The following FGD6 variants were observed in gnomAD, a reference collection of about 807,000 sequenced individuals.
FGD6 encodes the protein FYVE, RhoGEF and PH domain containing 6, also known as FYVE, RhoGEF and PH domain-containing protein 6.
In FGD6, 90 loss-of-function variants were observed where a neutral mutation model predicts 149.4. That is an observed-to-expected ratio of 0.60 (90% confidence interval 0.51 to 0.72). The LOEUF is 0.72. Among genes scored for constraint, FGD6 ranks in the 30% least tolerant of loss-of-function variants. FGD6 has a pLI of 0.00. For missense variants in FGD6, 1,437 were observed against 1,684.8 expected (o/e 0.85, Z 2.57); for synonymous variants, 527 against 584.0 (o/e 0.90, Z 1.41).
rs935454833 is a variant in FGD6 at position 95,215,033 on chromosome 12, G to T, written c.16+2192C>A. Among the ~76,000 whole-genome samples, 3 of 151,804 alleles carry T rather than the reference G, an allele frequency of 2.0e-5. No individual in the cohort carries two copies. The South Asian group carries it at 6.2e-4, about 32-fold the overall frequency. On this transcript the variant is annotated intron_variant, in intron 1 of 20. Transcript: ENST00000343958. Reference sequence around the variant, plus strand: ...ACCCCACCACACCTGGCTAATTTTTGTATTTTTAGTAGAGACAGGGTTTTG... The same window carrying T: ...ACCCCACCACACCTGGCTAATTTTTTTATTTTTAGTAGAGACAGGGTTTTG...
Position 95,079,593 on chromosome 12 carries a change from GATTCTAAC to G in FGD6, c.*1919_*1926del, listed in dbSNP as rs370772390. 139 of 152,268 alleles carry G rather than the reference GATTCTAAC, an allele frequency of 9.1e-4. 1 individual carries two copies. Among genetic ancestry groups the G allele is most frequent in the African/African-American group, 3.0e-3 (125 of 41,566 alleles). The allele number at this position is 152,268 out of a possible 1,614,324, so 9.4% of individuals were successfully genotyped here. A position where few individuals can be genotyped will look rare whatever the true frequency, so the allele number is the denominator to read the frequency against. ...AAAGGAATACACTAAAAACTGCAAC[GATTCTAAC>G]ATGGAAGCCTTATTTATGTGATCTT... is the stretch of plus-strand genomic sequence containing the variant. On this transcript the variant is annotated 3_prime_UTR_variant, in exon 21 of 21. Transcript: ENST00000343958.
At chr12:95,094,440 G>A (rs561132992) in intron 15 of FGD6, 152 bp downstream of exon 15, 8 of 561,778 alleles carry the variant, frequency 1.4e-5, no homozygotes, top group Middle Eastern at 4.5e-4. Context: ...AACTTTTAGC[G>A]CTGAAATGAG....
chr12:95,210,843 A>G lies in FGD6; in HGVS notation c.441T>C (p.Ile147=). The G allele has an allele frequency of 6.2e-7, 1 of 1,610,428 alleles. No homozygotes were observed. Among genetic ancestry groups the G allele is most frequent in the Non-Finnish European group, 8.5e-7 (1 of 1,179,220 alleles). The part of the protein sequence containing the change: ...EMNENLENSK[I]DETLTIKTRS... The stretch of plus-strand genomic sequence containing the variant: ...TAGTTTTTATAGTCAAAGTCTCATC[A>G]ATTTTACTGTTTTCTAAATTTTCAT... The change falls in exon 2 of 21, where the codon ATT becomes ATC. Residue 147 remains isoleucine (I), a synonymous_variant. Transcript: ENST00000343958.
chr12:95,118,592 T>A (rs1879093683), intron 8 of FGD6, among the ~76,000 whole-genome samples: 2 of 152,196 alleles, frequency 1.3e-5, no homozygotes, highest in Non-Finnish European at 2.9e-5. Flanking sequence ...GTCAGATTCC[T>A]GGACCGTGCA....
At chr12:95,162,485 C>A (rs1299736034) in intron 3 of FGD6, among the ~76,000 whole-genome samples, 1 of 152,114 alleles carries the variant, frequency 6.6e-6, no homozygotes, top group African/African-American at 2.4e-5. Flanking sequence ...CAAGATTGCG[C>A]CACTGTACTC....
intron 5 of FGD6, among the ~76,000 whole-genome samples, chr12:95,149,925 T>A (rs192566889): frequency 2.2e-4 from 32 of 145,518 alleles, no homozygotes; most frequent in African/African-American, 7.5e-4. Flanking sequence ...ATATATACAA[T>A]ACAAAGTATA....
Position 95,210,019 on chromosome 12 carries a change from G to C in FGD6, c.1265C>G (p.Ser422Cys), listed in dbSNP as rs2056716331. The change falls in exon 2 of 21, where the codon TCT becomes TGT. Residue 422 changes from serine (S) to cysteine (C), a missense_variant. Transcript: ENST00000343958. The stretch of plus-strand genomic sequence containing the variant: ...AGTTGTGCTGTCAGAACTCAAATTA[G>C]AGTCTTTATCAAAAGAAGGTGCCAT... The part of the protein sequence containing the change: ...EKMAPSFDKD[S>C]NLSSDSTTVD... 2.5e-6 allele frequency: 4 copies of C among 1,613,402 alleles called. No homozygotes were observed. In the Admixed American group the frequency reaches 6.7e-5, roughly 27 times the overall value.
Position 95,217,313 on chromosome 12 carries a change from A to G in FGD6, c.-73T>C. On this transcript the variant is annotated 5_prime_UTR_variant, in exon 1 of 21. Coordinates refer to ENST00000343958, the MANE Select transcript of FGD6 (RefSeq NM_018351.4). ...TCCCCTTTCAGTCCATTGTTCCCAC[A>G]GTTCGGGTAGGAGAGAAAAGCCCCC... is the stretch of plus-strand genomic sequence containing the variant. 2 of 1,534,098 alleles carry G rather than the reference A, an allele frequency of 1.3e-6. No individual in the cohort carries two copies. The highest frequency in any genetic ancestry group is 2.5e-5 in the East Asian group (1 of 40,010).
chr12:95,138,127 C>T lies in FGD6; in HGVS notation c.2838-449G>A, dbSNP rs573795868. ...CCCAAGACAGGAGAATTGTTTGAAC[C>T]CGGGAGGGGGAGGTTGCAGTGAGCC... On this transcript the variant is annotated intron_variant, in intron 6 of 20. Coordinates refer to ENST00000343958, the MANE Select transcript of FGD6 (RefSeq NM_018351.4). Among the ~76,000 whole-genome samples, 5 of 151,800 alleles carry T rather than the reference C, an allele frequency of 3.3e-5. No homozygotes were observed. In the South Asian group the frequency reaches 1.0e-3, roughly 32 times the overall value.
Position 95,210,300 on chromosome 12 carries a change from T to G in FGD6, c.984A>C (p.Gln328His). 1 of 1,614,196 alleles carries G rather than the reference T, an allele frequency of 6.2e-7. No individual in the cohort carries two copies. Among genetic ancestry groups the G allele is most frequent in the Non-Finnish European group, 8.5e-7 (1 of 1,180,032 alleles). ...TTTCACTAGGAGTATCTACACACTTTTGGCGTAACAGACGAGCAGTTCGTG... is the reference window on the plus strand; with the variant it reads ...TTTCACTAGGAGTATCTACACACTTGTGGCGTAACAGACGAGCAGTTCGTG... ...RKTRTARLLR[Q>H]KCVDTPSEST... The change falls in exon 2 of 21, where the codon CAA (glutamine) becomes CAC (histidine). Residue 328 changes from glutamine to histidine, a missense_variant. Gln to His is a conservative substitution (Grantham distance 24). Coordinates refer to ENST00000343958, the MANE Select transcript of FGD6 (RefSeq NM_018351.4).
chr12:95,120,242 A>AAAAT (rs200231268), intron 8 of FGD6, among the ~76,000 whole-genome samples: 1,975 of 151,712 alleles, frequency 0.013, 38 homozygotes, highest in African/African-American at 0.043. Flanking sequence ...TAAATAAATA[A>AAAAT]AAATAAATAA....
intron 2 of FGD6, among the ~76,000 whole-genome samples, chr12:95,180,372 ATT>A (rs5800188): frequency 0.094 from 10,600 of 112,356 alleles, 534 homozygotes; most frequent in Non-Finnish European, 0.12. Context: ...TAAAAGACAG[ATT>A]TTTTTTTTTT....
chr12:95,147,758 T>C (rs1880057831), intron 5 of FGD6, among the ~76,000 whole-genome samples: 1 of 152,160 alleles, frequency 6.6e-6, no homozygotes, highest in South Asian at 2.1e-4. Flanking sequence ...ATAACATCTA[T>C]TTGACAGGGT....
In FGD6 at chr12:95,105,043, A is replaced by T; in HGVS notation, c.3461T>A (p.Ile1154Asn). 1 of 1,609,432 alleles carries T rather than the reference A, an allele frequency of 6.2e-7. No homozygotes were observed. Among genetic ancestry groups the T allele is most frequent in the Non-Finnish European group, 8.5e-7 (1 of 1,178,954 alleles). ...TQEAYQNELK[I>N]ESVERSFILS... ...AATGAAGGAACGTTCTACACTTTCA[A>T]TCTTTAATTCATTCTGATAGGCTTC... The change falls in exon 14 of 21, where the codon ATT (isoleucine) becomes AAT (asparagine). Residue 1154 changes from isoleucine to asparagine, a missense_variant. Around this residue, in one of 2 missense-constraint regions of FGD6, gnomAD observed 382 missense variants for 538.7 expected, o/e 0.71. Coordinates refer to ENST00000343958, the MANE Select transcript of FGD6 (RefSeq NM_018351.4).
rs1249383201 is a variant in FGD6 at position 95,137,688 on chromosome 12, G to A, written c.2838-10C>T. ...TCTTTGTTGTTCAGTCCTATGGATA[G>A]AGAAGAGATACACAAAAAAATATAA... is the stretch of plus-strand genomic sequence containing the variant. On this transcript the variant is annotated splice_polypyrimidine_tract_variant and intron_variant, in intron 6 of 20. Coordinates refer to ENST00000343958, the MANE Select transcript of FGD6 (RefSeq NM_018351.4). 1 of 1,547,876 alleles carries A rather than the reference G, an allele frequency of 6.5e-7. No homozygotes were observed. Among genetic ancestry groups the A allele is most frequent in the South Asian group, 1.2e-5 (1 of 80,168 alleles).
chr12:95,168,906 C>T (rs1474454300), intron 3 of FGD6, among the ~76,000 whole-genome samples: 5 of 152,148 alleles, frequency 3.3e-5, no homozygotes, highest in Admixed American at 3.3e-4. Flanking sequence ...ACTCCAAAGA[C>T]CGTGTTCTAA....
rs76599919 is a variant in FGD6, at chr12:95,184,296, A to G, written c.2442-11552T>C. Among the ~76,000 whole-genome samples the G allele has an allele frequency of 6.9e-3, 1,051 of 152,288 alleles. 11 individuals are homozygous for G. Among genetic ancestry groups the G allele is most frequent in the African/African-American group, 0.024 (996 of 41,562 alleles). On this transcript the variant is annotated intron_variant, in intron 2 of 20. Coordinates refer to ENST00000343958, the MANE Select transcript of FGD6 (RefSeq NM_018351.4). ...CCACTAACATGGGGGAAAAGGATCA[A>G]AGGCTTCTTGGGAGCCCATGAGGAG...
chr12:95,170,128 A>G (rs1362494818), intron 3 of FGD6, among the ~76,000 whole-genome samples: 1 of 152,130 alleles, frequency 6.6e-6, no homozygotes, highest in Non-Finnish European at 1.5e-5. Context: ...CTCAAAAAAA[A>G]AGAAGACAAT....
At chr12:95,091,628 A>G in intron 17 of FGD6, 79 bp downstream of exon 17, 1 of 845,290 alleles carries the variant, frequency 1.2e-6, no homozygotes, top group Non-Finnish European at 1.9e-6. Context: ...AATGTACCGA[A>G]GGTGTTTCTC....
Sources: allele counts gnomAD v4.1 joint callset (sites outside exome capture counted in the v4.1 genomes callset), GRCh38; gene constraint gnomAD v4.1.1; regional missense constraint gnomAD v4.1.1; transcripts MANE v1.5; gene names NCBI Gene and HGNC (gene_info 2026-07-23, HGNC 2026-07-21).